ROBO1: variants seen among roughly 807,000 people sequenced by gnomAD.
ROBO1 encodes the protein roundabout guidance receptor 1, also known as roundabout homolog 1.
Under a neutral mutation model 195.9 loss-of-function variants are expected in ROBO1, and 149 were observed. The observed-to-expected ratio is 0.76, with a 90% CI of 0.67 to 0.87. The LOEUF (loss-of-function observed/expected upper bound fraction) is 0.87. Among genes scored for constraint, ROBO1 ranks in the 40% least tolerant of loss-of-function variants. ROBO1 has a pLI of 0.00. For synonymous variants in ROBO1, 816 were observed against 733.2 expected (o/e 1.11, Z -1.82); for missense variants, 1,933 against 2,068.3 (o/e 0.93, Z 1.27).
At chr3:78,780,664 A>C in intron 4 of ROBO1, among the ~76,000 whole-genome samples, 1 of 152,096 alleles carries the variant, frequency 6.6e-6, no homozygotes. Context: ...CTGATCAGGA[A>C]GCCTATTTTC....
At chr3:79,566,784 G>C (rs926520417) in intron 2 of ROBO1, among the ~76,000 whole-genome samples, 6 of 152,082 alleles carry the variant, frequency 3.9e-5, no homozygotes, top group African/African-American at 1.2e-4. Flanking sequence ...AAAAATAACA[G>C]ATGCTGGAGA....
chr3:78,784,222 C>T (rs539690549), intron 4 of ROBO1, among the ~76,000 whole-genome samples: 1 of 152,012 alleles, frequency 6.6e-6, no homozygotes, highest in African/African-American at 2.4e-5. Context: ...AAACTACCTT[C>T]TAAATACTCA....
intron 2 of ROBO1, among the ~76,000 whole-genome samples, chr3:79,285,401 TTA>T (rs1362477700): frequency 6.6e-6 from 1 of 152,180 alleles, no homozygotes; most frequent in Non-Finnish European, 1.5e-5. Flanking sequence ...GGTTATAAAG[TTA>T]TAAACATAGA....
At chr3:79,669,102 C>G (rs1038108809) in intron 1 of ROBO1, among the ~76,000 whole-genome samples, 3 of 151,806 alleles carry the variant, frequency 2.0e-5, no homozygotes, top group African/African-American at 7.3e-5. Context: ...ATAATTTCTA[C>G]GTGTTGTGGG....
At chr3:79,267,547 CTT>C (rs200965543) in intron 2 of ROBO1, among the ~76,000 whole-genome samples, 27 of 140,574 alleles carry the variant, frequency 1.9e-4, no homozygotes, top group Middle Eastern at 3.7e-3. Flanking sequence ...AAATCTATCT[CTT>C]TTTTTTTTTT....
rs1354517055 is a variant in ROBO1 at position 78,746,895 on chromosome 3, G to A, written c.505C>T (p.Arg169Trp). ...HNASLEVAIL[R>W]DDFRQNPSDV... ...GAAGGGTTTTGTCTGAAGTCATCCC[G>A]AAGTACTGTAGGAACAAGATTAAAT... Residue 169 changes from arginine (R) to tryptophan (W), a missense_variant, in exon 5 of 31, where the codon CGG becomes TGG. By Grantham distance (101) the Arg-to-Trp change is moderately radical. This residue lies in a region of ROBO1 where 1,737 missense variants were observed against 1,882.5 expected (regional missense o/e 0.92). Transcript: ENST00000464233. 6.4e-6 allele frequency: 10 copies of A among 1,560,194 alleles called. No homozygotes were observed. The highest frequency in any genetic ancestry group is 1.8e-5 in the Admixed American group (1 of 56,414).
At chr3:78,811,895 T>C (rs1252774101) in intron 4 of ROBO1, among the ~76,000 whole-genome samples, 1 of 152,156 alleles carries the variant, frequency 6.6e-6, no homozygotes, top group Admixed American at 6.6e-5. Flanking sequence ...ATCTCATTTG[T>C]ATGTGTTCGC....
At chr3:79,720,880 C>T (rs1054304016) in intron 1 of ROBO1, among the ~76,000 whole-genome samples, 2 of 151,772 alleles carry the variant, frequency 1.3e-5, no homozygotes, top group African/African-American at 4.8e-5. Flanking sequence ...GCAAGCTCCG[C>T]CTCCCAGGTT....
intron 1 of ROBO1, among the ~76,000 whole-genome samples, chr3:79,634,988 A>ATGCATCC (rs1945455733): frequency 6.6e-6 from 1 of 152,238 alleles, no homozygotes; most frequent in Non-Finnish European, 1.5e-5. Flanking sequence ...TCACATTTAT[A>ATGCATCC]TGCATCCTTT....
chr3:78,750,306 A>T (rs2108301311), intron 4 of ROBO1, among the ~76,000 whole-genome samples: 1 of 151,900 alleles, frequency 6.6e-6, no homozygotes, highest in Non-Finnish European at 1.5e-5. Context: ...ACAAAAAATT[A>T]GCCGGGCTTG....
Position 79,398,686 on chromosome 3 carries a change from C to T in ROBO1, c.88+191138G>A, listed in dbSNP as rs117104940. ...GCCCTATGTACTGCAGTACATAAAG[C>T]TTCCCTGGTCTCTACCAACTAAATG... On this transcript the variant is annotated intron_variant, in intron 2 of 30. Coordinates refer to ENST00000464233, the MANE Select transcript of ROBO1 (RefSeq NM_002941.4). 1.2e-3 allele frequency among the ~76,000 whole-genome samples: 186 copies of T among 152,210 alleles called. 3 individuals are homozygous for T. The East Asian group carries it at 0.034, about 28-fold the overall frequency.
intron 2 of ROBO1, among the ~76,000 whole-genome samples, chr3:79,458,326 G>C (rs1559913750): frequency 1.3e-5 from 2 of 152,112 alleles, no homozygotes; most frequent in Non-Finnish European, 2.9e-5. Context: ...AGAAATGTTT[G>C]CCAAACAATG....
chr3:78,711,715 C>T (rs28429251), intron 8 of ROBO1, among the ~76,000 whole-genome samples: 60,686 of 149,774 alleles, frequency 0.41, 13,545 homozygotes, highest in Middle Eastern at 0.53. Context: ...TCTCGAACTC[C>T]GTACCTCAGG....
chr3:79,103,537 T>C (rs1460564027), intron 3 of ROBO1, among the ~76,000 whole-genome samples: 1 of 151,800 alleles, frequency 6.6e-6, no homozygotes, highest in African/African-American at 2.4e-5. Flanking sequence ...AACGGCCCTA[T>C]GCATTTGCTA....
chr3:78,849,611 GT>G (rs1474020506), intron 4 of ROBO1, among the ~76,000 whole-genome samples: 1 of 151,008 alleles, frequency 6.6e-6, no homozygotes, highest in Non-Finnish European at 1.5e-5. Flanking sequence ...TTAAAAATAA[GT>G]TTTATATATA....
intron 2 of ROBO1, among the ~76,000 whole-genome samples, chr3:79,576,162 G>A (rs1368549801): frequency 6.6e-6 from 1 of 151,854 alleles, no homozygotes; most frequent in Non-Finnish European, 1.5e-5. Context: ...AATACAGTAT[G>A]TAAGACCCGC....
At chr3:79,176,605 G>T (rs1462787582) in intron 2 of ROBO1, among the ~76,000 whole-genome samples, 3 of 152,052 alleles carry the variant, frequency 2.0e-5, no homozygotes, top group African/African-American at 7.2e-5. Context: ...CTACAGGCAA[G>T]TGCCATTACA....
At chr3:79,538,785 AT>A (rs1374610238) in intron 2 of ROBO1, among the ~76,000 whole-genome samples, 1 of 152,144 alleles carries the variant, frequency 6.6e-6, no homozygotes, top group Non-Finnish European at 1.5e-5. Flanking sequence ...CATCTCTTAA[AT>A]GCCTAAACCT....
intron 2 of ROBO1, among the ~76,000 whole-genome samples, chr3:79,150,312 T>G (rs2080742069): frequency 6.6e-6 from 1 of 151,642 alleles, no homozygotes; most frequent in Non-Finnish European, 1.5e-5. Context: ...GTTACTCACA[T>G]GCCAGACCAG....
Sources: gnomAD v4.1 joint callset for allele counts (sites outside exome capture counted in the v4.1 genomes callset) on GRCh38, gnomAD v4.1.1 for gene constraint, gnomAD v4.1.1 regional missense constraint, MANE v1.5 for transcripts, NCBI Gene and HGNC (gene_info 2026-07-23, HGNC 2026-07-21) for gene names.